The following ELMO2 variants were observed in gnomAD, a reference collection of about 807,000 sequenced individuals.
The protein encoded by ELMO2 is engulfment and cell motility 2.
ELMO2 carries 37 observed loss-of-function variants against 96.2 expected under a neutral mutation model. The observed-to-expected ratio is 0.38, with a 90% CI of 0.30 to 0.51. ELMO2 has a LOEUF of 0.51. Among genes scored for constraint, ELMO2 ranks in the 20% least tolerant of loss-of-function variants. ELMO2 has a pLI of 0.88. For synonymous variants in ELMO2, 315 were observed against 329.4 expected, an observed-to-expected ratio of 0.96 and a Z score of 0.47; for missense variants, 561 against 912.6, an observed-to-expected ratio of 0.61 and a Z score of 4.96.
intron 6 of ELMO2, among the ~76,000 whole-genome samples, chr20:46,390,030 G>A (rs1416022473): frequency 4.6e-5 from 7 of 151,956 alleles, no homozygotes; most frequent in African/African-American, 1.7e-4. Flanking sequence ...GCATGCGCCT[G>A]TAATCCCAGC....
chr20:46,397,268 A>T (rs1428694617), intron 2 of ELMO2, among the ~76,000 whole-genome samples: 1 of 152,236 alleles, frequency 6.6e-6, no homozygotes, highest in African/African-American at 2.4e-5. Flanking sequence ...AAGCCCAGGC[A>T]GCCTCTCTGA....
intron 1 of ELMO2, among the ~76,000 whole-genome samples, chr20:46,400,828 ACT>A (rs1046965117): frequency 6.6e-6 from 1 of 152,226 alleles, no homozygotes; most frequent in African/African-American, 2.4e-5. Context: ...TAAAATCAGC[ACT>A]GTTACAGAAG....
intron 10 of ELMO2, 113 bp from the exon 11 acceptor site, chr20:46,380,416 T>C (rs1840533842): frequency 2.4e-6 from 2 of 837,352 alleles, no homozygotes; most frequent in Admixed American, 4.4e-5. Flanking sequence ...CTTAAATTTT[T>C]TTCCTCCCAA....
Position 46,375,345 on chromosome 20 carries a change from A to G in ELMO2, c.956T>C (p.Leu319Pro). ...CTCTGCGTCAAATGCAATCCTCCTC[A>G]GTTCAAATATGATGTCCCTTTGAGC... ...DQAQRDIIFE[L>P]RRIAFDAESD... Residue 319 changes from leucine to proline, a missense_variant, in exon 13 of 22, where the codon CTG becomes CCG. Coordinates refer to ENST00000290246, the MANE Select transcript of ELMO2 (RefSeq NM_133171.5). This position sits in a 1 kb window ranked among gnomAD's most constrained non-coding sequence, Gnocchi z 4.6. 6.2e-7 allele frequency: 1 copy of G among 1,614,206 alleles called. No individual in the cohort carries two copies. Among genetic ancestry groups the G allele is most frequent in the Non-Finnish European group, 8.5e-7 (1 of 1,180,042 alleles).
Position 46,368,776 on chromosome 20 carries a change from C to T in ELMO2, c.1962+115G>A, listed in dbSNP as rs1432100176. ...TTCTTCTCAAAGCCTTCCTAGGCTT[C>T]AATATACACTGCAGCCACCCACCAC... On this transcript the variant is annotated intron_variant, in intron 21 of 21. Transcript: ENST00000290246. The T allele has an allele frequency of 2.8e-6, 3 of 1,080,274 alleles. No individual in the cohort carries two copies. The East Asian group carries it at 7.1e-5, about 26-fold the overall frequency. The allele number at this position is 1,080,274 out of a possible 1,614,324, so 66.9% of individuals were successfully genotyped here.
chr20:46,384,628 C>T (rs1241220064), intron 9 of ELMO2, among the ~76,000 whole-genome samples: 1 of 152,022 alleles, frequency 6.6e-6, no homozygotes, highest in Non-Finnish European at 1.5e-5. Flanking sequence ...TAATGTCCCT[C>T]TCACCTTAAT....
intron 4 of ELMO2, chr20:46,393,833 T>C: frequency 2.7e-6 from 2 of 729,224 alleles, no homozygotes; most frequent in Non-Finnish European, 4.5e-6. Flanking sequence ...CCTACCTCAA[T>C]AGGGCAATGC....
intron 2 of ELMO2, among the ~76,000 whole-genome samples, chr20:46,395,693 A>G (rs2060230972): frequency 1.3e-5 from 2 of 152,224 alleles, no homozygotes; most frequent in South Asian, 2.1e-4. Context: ...CCACAAGCCC[A>G]TCGGCCTCAG....
At chr20:46,372,499 C>CATG (rs1174945050) in intron 16 of ELMO2, among the ~76,000 whole-genome samples, 21 of 152,244 alleles carry the variant, frequency 1.4e-4, no homozygotes, top group African/African-American at 5.1e-4. Flanking sequence ...GGTGTGGTGG[C>CATG]TCACGCCTGT....
chr20:46,374,214 T>C, intron 15 of ELMO2, 118 bp downstream of exon 15: 1 of 718,496 alleles, frequency 1.4e-6, no homozygotes, highest in Non-Finnish European at 2.4e-6. Context: ...AGTGCTGAGA[T>C]TACAGGTGTG....
chr20:46,403,910 C>A (rs551215916), intron 1 of ELMO2, among the ~76,000 whole-genome samples: 3 of 152,216 alleles, frequency 2.0e-5, no homozygotes, highest in East Asian at 1.9e-4. Context: ...ATGGTGAAAC[C>A]CCGTCTCTAC....
Position 46,371,119 on chromosome 20 carries a change from G to C in ELMO2, c.1801+233C>G, listed in dbSNP as rs2059693768. ...CTCTTAACTACTGCCTTTCGACTTAGTCATGTACCACCCTTTACAGTCTAC... is the reference window on the plus strand; with the variant it reads ...CTCTTAACTACTGCCTTTCGACTTACTCATGTACCACCCTTTACAGTCTAC... On this transcript the variant is annotated intron_variant, in intron 19 of 21. Coordinates refer to ENST00000290246, the MANE Select transcript of ELMO2 (RefSeq NM_133171.5). This position sits in a 1 kb window ranked among gnomAD's most constrained non-coding sequence, Gnocchi z 5.9. 2.0e-5 allele frequency among the ~76,000 whole-genome samples: 3 copies of C among 152,152 alleles called. No homozygotes were observed. In the South Asian group the frequency reaches 6.2e-4, roughly 32 times the overall value.
chr20:46,371,521 A>G lies in ELMO2; in HGVS notation c.1693+58T>C. On this transcript the variant is annotated intron_variant, in intron 18 of 21. Transcript: ENST00000290246. The surrounding 1 kb of genome is among the most constrained non-coding windows in gnomAD (Gnocchi z 5.9). ...CAGTACTGGGAAAGGCCTGGGCACA[A>G]AAGGGGCCATCCAGGCAGGCTCTTC... is the stretch of plus-strand genomic sequence containing the variant. 6.2e-7 allele frequency: 1 copy of G among 1,608,192 alleles called. No individual in the cohort carries two copies. Among genetic ancestry groups the G allele is most frequent in the East Asian group, 2.2e-5 (1 of 44,772 alleles).
At position 46,367,250 on chromosome 20, in the gene ELMO2, C is replaced by T. The variant is rs1012845504; in HGVS notation, c.*110G>A. 8.8e-7 allele frequency: 1 copy of T among 1,137,342 alleles called. No individual in the cohort carries two copies. Among genetic ancestry groups the T allele is most frequent in the African/African-American group, 1.6e-5 (1 of 61,738 alleles). The allele number at this position is 1,137,342 out of a possible 1,614,324, so 70.5% of individuals were successfully genotyped here. On this transcript the variant is annotated 3_prime_UTR_variant, in exon 22 of 22. Coordinates refer to ENST00000290246, the MANE Select transcript of ELMO2 (RefSeq NM_133171.5). ...AGAAATGGCTGGCATTTACTGGCCA[C>T]CAAAATCACTACAGATTCTGTACAA...
chr20:46,388,891 G>T, intron 7 of ELMO2, 148 bp downstream of exon 7: 1 of 709,024 alleles, frequency 1.4e-6, no homozygotes. Context: ...ATATATCTTG[G>T]TATGGACTCT....
At chr20:46,378,411 G>A (rs777485043) in intron 11 of ELMO2, among the ~76,000 whole-genome samples, 89 of 152,166 alleles carry the variant, frequency 5.8e-4, no homozygotes, top group Non-Finnish European at 1.0e-3. Flanking sequence ...CTTCTAACCC[G>A]ATTAAATAGT....
At chr20:46,374,772 C>T (rs904465259) in intron 13 of ELMO2, 132 bp from the exon 14 acceptor site, 25 of 718,632 alleles carry the variant, frequency 3.5e-5, no homozygotes, top group African/African-American at 1.8e-4. Flanking sequence ...GCTCTTTTCA[C>T]ACCCATCACC....
chr20:46,372,132 G>C (rs2059731287), intron 16 of ELMO2, among the ~76,000 whole-genome samples, 163 bp from the exon 17 acceptor site: 1 of 152,142 alleles, frequency 6.6e-6, no homozygotes, highest in South Asian at 2.1e-4. Context: ...TGGTTATTCA[G>C]GTCACATGAC....
chr20:46,386,068 G>C (rs1406690082), intron 9 of ELMO2, 56 bp downstream of exon 9: 4 of 1,566,766 alleles, frequency 2.6e-6, no homozygotes, highest in Non-Finnish European at 3.5e-6. Flanking sequence ...CTTAAAATAA[G>C]AGGAGAAAAG....
Sources: allele counts gnomAD v4.1 joint callset (sites outside exome capture counted in the v4.1 genomes callset), GRCh38; gene constraint gnomAD v4.1.1; non-coding constraint Gnocchi (gnomAD v3.1); transcripts MANE v1.5; gene names NCBI Gene and HGNC (gene_info 2026-07-23, HGNC 2026-07-21).